SV2B: variants seen among roughly 807,000 people sequenced by gnomAD.
The protein encoded by SV2B is synaptic vesicle glycoprotein 2B.
In SV2B, 41 loss-of-function variants were observed where a neutral mutation model predicts 73.9. The ratio of observed to expected loss-of-function variants is 0.56; its 90% CI spans 0.43 to 0.72. SV2B has a LOEUF of 0.72. Among genes scored for constraint, SV2B ranks in the 30% least tolerant of loss-of-function variants. The pLI, the probability that SV2B is intolerant of heterozygous loss-of-function variation, is 0.00. For missense variants in SV2B, 764 were observed against 857.8 expected (o/e 0.89, Z 1.37); for synonymous variants, 314 against 314.2 (o/e 1.00, Z 0.01).
In SV2B at chr15:91,302,166, G is replaced by A. The variant is rs530354932; in HGVS notation, c.*9614G>A. On this transcript the variant is annotated 3_prime_UTR_variant, in exon 13 of 13. Coordinates refer to ENST00000394232, the MANE Select transcript of SV2B (RefSeq NM_001323032.3). ...TAACACAGTATTTGATACGTAGTAG[G>A]TCTCAATAGATGATGAATAGACCGA... Among the ~76,000 whole-genome samples the A allele has an allele frequency of 2.6e-5, 4 of 152,312 alleles. No individual in the cohort carries two copies. The South Asian group carries it at 8.3e-4, about 32-fold the overall frequency.
At position 91,231,942 on chromosome 15, in the gene SV2B, A is replaced by T. The variant is rs1349318279; in HGVS notation, c.451+5228A>T. 2.0e-5 allele frequency among the ~76,000 whole-genome samples: 3 copies of T among 152,222 alleles called. No individual in the cohort carries two copies. Among genetic ancestry groups the T allele is most frequent in the African/African-American group, 7.2e-5 (3 of 41,456 alleles). On this transcript the variant is annotated intron_variant, in intron 2 of 12. Transcript: ENST00000394232. The surrounding 1 kb of genome is among the most constrained non-coding windows in gnomAD (Gnocchi z 4.5). Reference sequence around the variant, plus strand: ...AGATGGGGCAGATTCATTAGAATAAATTGTGAGCTGAATTTTCATAGCAGC... The same window carrying T: ...AGATGGGGCAGATTCATTAGAATAATTTGTGAGCTGAATTTTCATAGCAGC...
chr15:91,113,070 G>T (rs777411471), intron 1 of SV2B, among the ~76,000 whole-genome samples: 2 of 152,102 alleles, frequency 1.3e-5, no homozygotes, highest in African/African-American at 4.8e-5. Flanking sequence ...GGCCTGAAGC[G>T]GTGCTCTCAC....
intron 1 of SV2B, among the ~76,000 whole-genome samples, chr15:91,168,029 G>T (rs1311511788): frequency 6.6e-6 from 1 of 152,020 alleles, no homozygotes; most frequent in Non-Finnish European, 1.5e-5. Flanking sequence ...ATAATCTGGG[G>T]GATGGTGTCT....
intron 1 of SV2B, among the ~76,000 whole-genome samples, chr15:91,209,125 T>G (rs7497819): frequency 0.37 from 52,016 of 139,698 alleles, 11,192 homozygotes; most frequent in East Asian, 0.57. Flanking sequence ...TTTTTTTTTT[T>G]TTTTTTTTTT....
At chr15:91,166,380 A>C (rs893743502) in intron 1 of SV2B, among the ~76,000 whole-genome samples, 1 of 152,028 alleles carries the variant, frequency 6.6e-6, no homozygotes, top group Admixed American at 6.5e-5. Flanking sequence ...AATTATATAT[A>C]TCTTAGTTTT....
At chr15:91,196,948 T>C (rs2045266556) in intron 1 of SV2B, among the ~76,000 whole-genome samples, 1 of 152,202 alleles carries the variant, frequency 6.6e-6, no homozygotes. Flanking sequence ...TGCTGGGACC[T>C]GTGACAGACA....
chr15:91,266,914 G>A (rs1489168747), intron 7 of SV2B: 2 of 404,038 alleles, frequency 5.0e-6, no homozygotes, highest in Non-Finnish European at 8.8e-6. Flanking sequence ...TCTTTTCTTT[G>A]TTCTTCCTTC....
chr15:91,144,383 A>G (rs1474735814), intron 1 of SV2B, among the ~76,000 whole-genome samples: 1 of 152,178 alleles, frequency 6.6e-6, no homozygotes, highest in Non-Finnish European at 1.5e-5. Flanking sequence ...GCTGCCCAAT[A>G]TCTCTCCAGC....
intron 1 of SV2B, among the ~76,000 whole-genome samples, chr15:91,151,437 T>C (rs1234363862): frequency 6.6e-6 from 1 of 152,220 alleles, no homozygotes; most frequent in African/African-American, 2.4e-5. Context: ...TAAACCACTT[T>C]AGCCTAATCA....
chr15:91,198,949 C>T (rs2045360697), intron 1 of SV2B, among the ~76,000 whole-genome samples: 2 of 152,174 alleles, frequency 1.3e-5, no homozygotes, highest in Non-Finnish European at 2.9e-5. Flanking sequence ...AAATTCGAAA[C>T]AGCATATTCA....
rs1445284097 is a variant in SV2B at position 91,224,346 on chromosome 15, G to A, written c.-391-1527G>A. On this transcript the variant is annotated intron_variant, in intron 1 of 12. Transcript: ENST00000394232. This position sits in a 1 kb window ranked among gnomAD's most constrained non-coding sequence, Gnocchi z 4.9. ...CGTGAGTCTCTGGTAGCCTCAATGT[G>A]TGAGGTCCGAGCATTATCCCTATCA... 1.3e-5 allele frequency among the ~76,000 whole-genome samples: 2 copies of A among 152,186 alleles called. No individual in the cohort carries two copies. Among genetic ancestry groups the A allele is most frequent in the East Asian group, 3.9e-4 (2 of 5,194 alleles).
intron 1 of SV2B, among the ~76,000 whole-genome samples, chr15:91,114,417 G>A (rs1329273983): frequency 6.6e-6 from 1 of 152,120 alleles, no homozygotes; most frequent in Non-Finnish European, 1.5e-5. Flanking sequence ...TCTATATTTG[G>A]ATGATAACTC....
intron 7 of SV2B, 133 bp downstream of exon 7, chr15:91,266,825 G>A: frequency 3.1e-6 from 2 of 639,872 alleles, no homozygotes; most frequent in Non-Finnish European, 5.1e-6. Flanking sequence ...AACCCTGGAG[G>A]GGGGCGTTTG....
intron 1 of SV2B, among the ~76,000 whole-genome samples, chr15:91,112,554 G>T (rs1175224540): frequency 6.6e-6 from 1 of 152,208 alleles, no homozygotes; most frequent in Non-Finnish European, 1.5e-5. Flanking sequence ...AACAAATGGA[G>T]TGGAAAGTTC....
Position 91,258,387 on chromosome 15 carries a change from C to A in SV2B, c.785-34C>A, listed in dbSNP as rs1267972898. On this transcript the variant is annotated intron_variant, in intron 4 of 12. Transcript: ENST00000394232. This position sits in a 1 kb window ranked among gnomAD's most constrained non-coding sequence, Gnocchi z 4.7. The stretch of plus-strand genomic sequence containing the variant: ...TCTTCCGTAGAGGAAAAGATCATGT[C>A]CCAGAAATCCTTTGACTGACTGCTC... 5 of 1,611,630 alleles carry A rather than the reference C, an allele frequency of 3.1e-6. No individual in the cohort carries two copies. Among genetic ancestry groups the A allele is most frequent in the Admixed American group, 1.7e-5 (1 of 59,842 alleles).
rs376724248 is a variant in SV2B, at chr15:91,236,430, G to GAAAGCAC, written c.451+9719_451+9725dup. 1.3e-5 allele frequency among the ~76,000 whole-genome samples: 2 copies of GAAAGCAC among 152,114 alleles called. No individual in the cohort carries two copies. Among genetic ancestry groups the GAAAGCAC allele is most frequent in the African/African-American group, 4.8e-5 (2 of 41,416 alleles). ...GGAAAATATGATCTTCCAGACCACA[G>GAAAGCAC]AAAGCACAACAGAAATGAATGGGAG... On this transcript the variant is annotated intron_variant, in intron 2 of 12. Transcript: ENST00000394232. This position sits in a 1 kb window ranked among gnomAD's most constrained non-coding sequence, Gnocchi z 4.1.
chr15:91,104,898 C>T (rs951435575), intron 1 of SV2B, among the ~76,000 whole-genome samples: 5 of 152,196 alleles, frequency 3.3e-5, no homozygotes, highest in Admixed American at 3.3e-4. Context: ...TCCCAAAGTG[C>T]TGGGATTACA....
intron 2 of SV2B, 143 bp from the exon 3 acceptor site, chr15:91,251,676 C>T (rs2047486746): frequency 9.4e-7 from 1 of 1,066,100 alleles, no homozygotes; most frequent in Non-Finnish European, 1.3e-6. Flanking sequence ...CAATTTGCCA[C>T]AAATATCACA....
In SV2B at chr15:91,117,066, C is replaced by T. The variant is rs556432703; in HGVS notation, c.-392+16703C>T. 9.9e-5 allele frequency among the ~76,000 whole-genome samples: 15 copies of T among 152,238 alleles called. No homozygotes were observed. The South Asian group carries it at 1.7e-3, about 17-fold the overall frequency. ...AGATTTGGGTGGGGACACAGGCAAA[C>T]GATATCAATAGTCACAATGGTTTTG... On this transcript the variant is annotated intron_variant, in intron 1 of 12. Transcript: ENST00000394232.
Sources: allele counts gnomAD v4.1 joint callset (sites outside exome capture counted in the v4.1 genomes callset), GRCh38; gene constraint gnomAD v4.1.1; non-coding constraint Gnocchi (gnomAD v3.1); transcripts MANE v1.5; gene names NCBI Gene and HGNC (gene_info 2026-07-23, HGNC 2026-07-21).